Variants in SHISA9 observed in about 807,000 individuals in gnomAD.
SHISA9 encodes the protein protein shisa-9.
SHISA9 carries 13 observed loss-of-function variants against 38.0 expected under a neutral mutation model. That is an observed-to-expected ratio of 0.34 (90% CI 0.22 to 0.54). SHISA9 has a LOEUF of 0.54. SHISA9 is among the 20% of genes least tolerant of loss of function. The pLI, the probability that SHISA9 is intolerant of heterozygous loss-of-function variation, is 0.91. For synonymous variants in SHISA9, 275 were observed against 242.0 expected, an observed-to-expected ratio of 1.14 and a Z score of -1.27; for missense variants, 538 against 575.8, an observed-to-expected ratio of 0.93 and a Z score of 0.67.
the SHISA9 span, among the ~76,000 whole-genome samples, chr16:13,307,667 A>G: frequency 6.6e-6 from 1 of 152,182 alleles, no homozygotes; most frequent in Non-Finnish European, 1.5e-5. Context: ...AATGTAATAA[A>G]CCTTATTCAA....
chr16:13,311,872 A>G, the SHISA9 span, among the ~76,000 whole-genome samples: 1 of 152,204 alleles, frequency 6.6e-6, no homozygotes, highest in Admixed American at 6.5e-5. Context: ...AATAATAGTA[A>G]CTATAGGATT....
At chr16:13,085,313 A>G (rs1346825920) in intron 2 of SHISA9, among the ~76,000 whole-genome samples, 1 of 152,088 alleles carries the variant, frequency 6.6e-6, no homozygotes, top group Non-Finnish European at 1.5e-5. Context: ...ATTATTAAGG[A>G]AGAGCTAATA....
chr16:13,450,850 TGA>T, the SHISA9 span, among the ~76,000 whole-genome samples: 5 of 152,202 alleles, frequency 3.3e-5, no homozygotes, highest in Non-Finnish European at 5.9e-5. Context: ...GAAAATTTCT[TGA>T]GGATCCGATA....
the SHISA9 span, among the ~76,000 whole-genome samples, chr16:13,299,342 T>G: frequency 1.6e-4 from 24 of 152,174 alleles, no homozygotes; most frequent in Non-Finnish European, 2.4e-4. Flanking sequence ...CAATTTCTGT[T>G]GCCTTTTTAC....
At chr16:13,302,078 G>A in the SHISA9 span, among the ~76,000 whole-genome samples, 2 of 152,162 alleles carry the variant, frequency 1.3e-5, no homozygotes, top group Non-Finnish European at 2.9e-5. Flanking sequence ...CAGTGGGGTA[G>A]TATGAGCTGC....
the SHISA9 span, among the ~76,000 whole-genome samples, chr16:13,470,532 A>G: frequency 6.6e-6 from 1 of 152,146 alleles, no homozygotes; most frequent in Non-Finnish European, 1.5e-5. Context: ...GTGCAGAGGA[A>G]CTGCCCTTCA....
intron 2 of SHISA9, among the ~76,000 whole-genome samples, chr16:13,160,786 C>T (rs2050588643): frequency 6.6e-6 from 1 of 152,194 alleles, no homozygotes; most frequent in South Asian, 2.1e-4. Context: ...CAGAATACTT[C>T]TGCTAGAAAC....
chr16:13,087,240 G>C (rs1248350753), intron 2 of SHISA9, among the ~76,000 whole-genome samples: 1 of 144,282 alleles, frequency 6.9e-6, no homozygotes, highest in Non-Finnish European at 1.5e-5. Flanking sequence ...ATGGACATTT[G>C]GGTTGGTTCC....
the SHISA9 span, among the ~76,000 whole-genome samples, chr16:13,453,798 G>A: frequency 6.6e-6 from 1 of 152,190 alleles, no homozygotes; most frequent in Non-Finnish European, 1.5e-5. Context: ...GTTGGTTGTT[G>A]TCTGATAGCT....
chr16:13,447,305 C>T, the SHISA9 span, among the ~76,000 whole-genome samples: 1 of 152,120 alleles, frequency 6.6e-6, no homozygotes, highest in Non-Finnish European at 1.5e-5. Context: ...GTTCCTAAGT[C>T]TAGAAAGTGG....
At chr16:13,557,974 T>A in the SHISA9 span, among the ~76,000 whole-genome samples, 1 of 152,176 alleles carries the variant, frequency 6.6e-6, no homozygotes, top group Admixed American at 6.5e-5. Flanking sequence ...AGGCTTCCGA[T>A]CACCTGATAC....
intron 2 of SHISA9, among the ~76,000 whole-genome samples, chr16:13,121,274 A>C (rs1443495845): frequency 3.3e-5 from 5 of 152,182 alleles, no homozygotes; most frequent in Non-Finnish European, 5.9e-5. Context: ...GGATCACTTG[A>C]GCCCAGGAGT....
At chr16:12,991,111 T>C (rs1306984141) in intron 2 of SHISA9, among the ~76,000 whole-genome samples, 3 of 152,198 alleles carry the variant, frequency 2.0e-5, no homozygotes, top group African/African-American at 7.2e-5. Context: ...GTATTCTTTT[T>C]GATTATTAAG....
chr16:12,951,294 C>G (rs955144509), intron 2 of SHISA9, among the ~76,000 whole-genome samples: 1 of 149,586 alleles, frequency 6.7e-6, no homozygotes, highest in Non-Finnish European at 1.5e-5. Context: ...ACACACCTGG[C>G]TCACGCTTGT....
At chr16:13,326,982 C>G in the SHISA9 span, among the ~76,000 whole-genome samples, 1 of 152,108 alleles carries the variant, frequency 6.6e-6, no homozygotes, top group East Asian at 1.9e-4. Context: ...TCCTCAACAC[C>G]CACTGGCCAA....
At chr16:13,324,426 TG>T in the SHISA9 span, among the ~76,000 whole-genome samples, 4 of 152,262 alleles carry the variant, frequency 2.6e-5, no homozygotes, top group South Asian at 2.1e-4. Context: ...ACTTTCTGAT[TG>T]GCAACCACAA....
At chr16:13,505,012 G>C in the SHISA9 span, among the ~76,000 whole-genome samples, 2 of 152,118 alleles carry the variant, frequency 1.3e-5, no homozygotes, top group Non-Finnish European at 2.9e-5. Flanking sequence ...CTGTGACTAC[G>C]TGCCAGGAAT....
At chr16:13,536,723 C>T in the SHISA9 span, among the ~76,000 whole-genome samples, 1 of 152,142 alleles carries the variant, frequency 6.6e-6, no homozygotes, top group Non-Finnish European at 1.5e-5. Context: ...GTACAAGGCA[C>T]ATAGAATATA....
chr16:13,096,271 T>C (rs962474210), intron 2 of SHISA9, among the ~76,000 whole-genome samples: 2 of 152,236 alleles, frequency 1.3e-5, no homozygotes, highest in African/African-American at 2.4e-5. Flanking sequence ...GTACTGAGCA[T>C]GTACTTTGGC....
Sources: gnomAD v4.1 joint callset for allele counts (sites outside exome capture counted in the v4.1 genomes callset) on GRCh38, gnomAD v4.1.1 for gene constraint, MANE v1.5 for transcripts, NCBI Gene and HGNC (gene_info 2026-07-23, HGNC 2026-07-21) for gene names.